Variants in RANBP17 observed in about 807,000 individuals in gnomAD.
RANBP17 encodes RAN binding protein 17, also known as ran-binding protein 17.
A neutral mutation model predicts 141.2 loss-of-function variants in RANBP17; 158 were observed. The observed-to-expected ratio is 1.12, with a 90% CI of 0.98 to 1.28. RANBP17 has a LOEUF of 1.28. Among genes scored for constraint, RANBP17 ranks in the 50% most tolerant of loss-of-function variants. The pLI is 0.00. For missense variants in RANBP17, 1,438 were observed against 1,290.7 expected (o/e 1.11, Z -1.75); for synonymous variants, 430 against 450.0 (o/e 0.96, Z 0.56).
chr5:171,193,407 C>T (rs1020342719), intron 18 of RANBP17, among the ~76,000 whole-genome samples: 5 of 150,972 alleles, frequency 3.3e-5, no homozygotes, highest in African/African-American at 9.8e-5. Context: ...AATTAGATGC[C>T]ATGTGCCCCA....
intron 25 of RANBP17, chr5:171,271,758 A>T (rs1401813095): frequency 9.3e-6 from 2 of 215,720 alleles, no homozygotes; most frequent in East Asian, 1.4e-4. Flanking sequence ...AGCCAGGGAT[A>T]TGTCATTAGA....
chr5:171,196,239 G>A (rs1184868811), intron 18 of RANBP17, among the ~76,000 whole-genome samples: 3 of 152,190 alleles, frequency 2.0e-5, no homozygotes, highest in Non-Finnish European at 4.4e-5. Context: ...CTCTGAGGAA[G>A]TGACAGTTAA....
At chr5:171,044,165 C>T (rs936548714) in intron 14 of RANBP17, among the ~76,000 whole-genome samples, 4 of 151,926 alleles carry the variant, frequency 2.6e-5, no homozygotes, top group Non-Finnish European at 4.4e-5. Flanking sequence ...CTTTCTTTCC[C>T]CTGGTGCCTA....
intron 14 of RANBP17, among the ~76,000 whole-genome samples, chr5:171,104,947 T>C (rs568540472): frequency 2.0e-5 from 3 of 152,330 alleles, no homozygotes; most frequent in Non-Finnish European, 4.4e-5. Flanking sequence ...GGAAAAGTCA[T>C]TGGGAAATAA....
At chr5:170,964,377 TG>T (rs751409524) in intron 13 of RANBP17, among the ~76,000 whole-genome samples, 10 of 151,600 alleles carry the variant, frequency 6.6e-5, no homozygotes, top group South Asian at 4.2e-4. Context: ...TATAATGGAA[TG>T]TTTTTTTGTT....
At chr5:171,120,828 A>G (rs559758977) in intron 14 of RANBP17, among the ~76,000 whole-genome samples, 2 of 152,298 alleles carry the variant, frequency 1.3e-5, no homozygotes, top group African/African-American at 2.4e-5. Context: ...TCTGGTTTCA[A>G]AATTGCCTCT....
rs755065632 is a variant in RANBP17 at position 171,205,600 on chromosome 5, T to C, written c.2219T>C (p.Leu740Pro). ...ALNTKTSYTM[L>P]FDWMYPTYLP... ...AACACAAAGACCAGCTACACCATGCTGTTTGACTGGATGTATCCTTATTAC... is the reference window on the plus strand; with the variant it reads ...AACACAAAGACCAGCTACACCATGCCGTTTGACTGGATGTATCCTTATTAC... Residue 740 changes from leucine to proline, a missense_variant, in exon 20 of 28, where the codon CTG becomes CCG. Leu to Pro is a moderately conservative substitution (Grantham distance 98). Transcript: ENST00000523189. The C allele has an allele frequency of 7.4e-6, 12 of 1,613,400 alleles. No individual in the cohort carries two copies. The highest frequency in any genetic ancestry group is 1.0e-5 in the Non-Finnish European group (12 of 1,179,350).
At chr5:171,056,885 C>T (rs1210302157) in intron 14 of RANBP17, among the ~76,000 whole-genome samples, 2 of 152,134 alleles carry the variant, frequency 1.3e-5, no homozygotes, top group African/African-American at 2.4e-5. Context: ...ACCAATCGGT[C>T]TCTTTTCTTT....
At chr5:170,872,183 C>G (rs1383101058) in intron 1 of RANBP17, among the ~76,000 whole-genome samples, 2 of 152,134 alleles carry the variant, frequency 1.3e-5, no homozygotes, top group Non-Finnish European at 2.9e-5. Flanking sequence ...TTTGTGTCCT[C>G]TCATTTCCTC....
At chr5:171,194,156 T>G (rs1012840899) in intron 18 of RANBP17, among the ~76,000 whole-genome samples, 1 of 152,238 alleles carries the variant, frequency 6.6e-6, no homozygotes, top group African/African-American at 2.4e-5. Context: ...TTTGTGTACA[T>G]TTCGGAGGGG....
chr5:170,898,341 G>A (rs1770316493), intron 5 of RANBP17, among the ~76,000 whole-genome samples: 1 of 152,060 alleles, frequency 6.6e-6, no homozygotes, highest in African/African-American at 2.4e-5. Flanking sequence ...TTTCAGAAGT[G>A]TCTGTTCATA....
intron 22 of RANBP17, 105 bp from the exon 23 acceptor site, chr5:171,240,823 G>T (rs1764828727): frequency 1.2e-5 from 8 of 653,846 alleles, no homozygotes; most frequent in Admixed American, 2.7e-5. Flanking sequence ...AATATGCTGG[G>T]AGGAAGTGAA....
chr5:171,173,711 G>A (rs1232488041), intron 16 of RANBP17, among the ~76,000 whole-genome samples: 3 of 152,146 alleles, frequency 2.0e-5, no homozygotes. Context: ...GCATCGGAAT[G>A]TGAGTGCTTT....
chr5:170,914,232 T>C lies in RANBP17; in HGVS notation c.826T>C (p.Ser276Pro). ...NLYHSLPPLL[S>P]QLALSCLVQF... ...GTATCATTCACTTCCACCACTACTA[T>C]CTCAGTTAGTAAGTAAAAGTCATTC... Residue 276 changes from serine (S) to proline (P), a missense_variant, in exon 8 of 28, where the codon TCT becomes CCT. Ser to Pro is a moderately conservative substitution (Grantham distance 74). Transcript: ENST00000523189. 6.3e-7 allele frequency: 1 copy of C among 1,590,798 alleles called. No individual in the cohort carries two copies. The highest frequency in any genetic ancestry group is 1.7e-5 in the Admixed American group (1 of 59,814).
chr5:171,138,953 T>G (rs533187394), intron 14 of RANBP17, among the ~76,000 whole-genome samples: 42 of 152,242 alleles, frequency 2.8e-4, no homozygotes, highest in African/African-American at 9.9e-4. Flanking sequence ...GGCATGCACC[T>G]GTAGTGCCAG....
At chr5:170,943,108 C>T (rs1774465037) in intron 12 of RANBP17, among the ~76,000 whole-genome samples, 1 of 152,080 alleles carries the variant, frequency 6.6e-6, no homozygotes, top group Non-Finnish European at 1.5e-5. Context: ...TTAGAGATAT[C>T]TGTGGTCTGC....
At chr5:171,016,622 G>A (rs1780452366) in intron 14 of RANBP17, among the ~76,000 whole-genome samples, 1 of 151,940 alleles carries the variant, frequency 6.6e-6, no homozygotes, top group Non-Finnish European at 1.5e-5. Context: ...CCATGTTGGT[G>A]TGCTGCACCC....
At chr5:171,077,238 G>A (rs1185821804) in intron 14 of RANBP17, among the ~76,000 whole-genome samples, 1 of 152,090 alleles carries the variant, frequency 6.6e-6, no homozygotes, top group East Asian at 1.9e-4. Context: ...TACTCGGGAA[G>A]CTGAGGCAGG....
At chr5:170,902,716 C>T (rs543276236) in intron 5 of RANBP17, among the ~76,000 whole-genome samples, 2 of 152,196 alleles carry the variant, frequency 1.3e-5, no homozygotes, top group African/African-American at 4.8e-5. Flanking sequence ...TGTGGATGTC[C>T]TTTTTGTTGG....
Sources: allele counts gnomAD v4.1 joint callset (sites outside exome capture counted in the v4.1 genomes callset), GRCh38; gene constraint gnomAD v4.1.1; transcripts MANE v1.5; gene names NCBI Gene and HGNC (gene_info 2026-07-23, HGNC 2026-07-21).